The following EVC2 variants were observed in gnomAD, a reference collection of about 807,000 sequenced individuals.
EVC2 encodes limbin.
EVC2 carries 148 observed loss-of-function variants against 149.3 expected under a neutral mutation model. The ratio of observed to expected loss-of-function variants is 0.99; its 90% CI spans 0.87 to 1.14. The LOEUF is 1.14. EVC2 is among the 50% of genes most tolerant of loss of function. The pLI is 0.00. For missense variants in EVC2, 1,854 were observed against 1,627.3 expected, an observed-to-expected ratio of 1.14 and a Z score of -2.40; for synonymous variants, 776 against 649.9, an observed-to-expected ratio of 1.19 and a Z score of -2.95.
chr4:5,665,761 T>G (rs1161885517), intron 7 of EVC2, 112 bp from the exon 8 acceptor site: 17 of 1,500,828 alleles, frequency 1.1e-5, no homozygotes, highest in Admixed American at 3.9e-5. Flanking sequence ...GGGACTCGCT[T>G]GCATTTGAGT....
intron 19 of EVC2, among the ~76,000 whole-genome samples, chr4:5,571,329 A>AAG (rs1244998561): frequency 6.6e-6 from 1 of 150,952 alleles, no homozygotes; most frequent in Non-Finnish European, 1.5e-5. Flanking sequence ...AAAAAAAAAA[A>AAG]AAAAAAAAGA....
intron 8 of EVC2, 33 bp from the exon 9 acceptor site, chr4:5,663,279 G>A (rs1372003949): frequency 6.2e-7 from 1 of 1,613,106 alleles, no homozygotes; most frequent in Non-Finnish European, 8.5e-7. Flanking sequence ...ATAATTGATT[G>A]GGCCTTCTTG....
chr4:5,590,399 T>C (rs1174446965), intron 16 of EVC2, among the ~76,000 whole-genome samples: 1 of 152,130 alleles, frequency 6.6e-6, no homozygotes, highest in African/African-American at 2.4e-5. Context: ...CAGAAAAACC[T>C]TGGAAGTTGA....
At chr4:5,615,822 C>T (rs151306691) in intron 15 of EVC2, among the ~76,000 whole-genome samples, 334 of 152,298 alleles carry the variant, frequency 2.2e-3, no homozygotes, top group African/African-American at 7.6e-3. Flanking sequence ...AGAGCAGACC[C>T]AAGGCGTGTC....
At chr4:5,595,603 A>C (rs13142989) in intron 16 of EVC2, among the ~76,000 whole-genome samples, 1 of 152,206 alleles carries the variant, frequency 6.6e-6, no homozygotes, top group African/African-American at 2.4e-5. Context: ...GGTACCAGCC[A>C]CTGCAAAATC....
At chr4:5,536,523 A>G in the EVC2 span, among the ~76,000 whole-genome samples, 1,225 of 152,228 alleles carry the variant, frequency 8.0e-3, 12 homozygotes, top group African/African-American at 0.024. Context: ...GGTGGCTCAC[A>G]CCTGTAATCC....
intron 16 of EVC2, among the ~76,000 whole-genome samples, chr4:5,603,040 C>G (rs559700315): frequency 4.6e-5 from 7 of 151,886 alleles, no homozygotes; most frequent in Non-Finnish European, 1.0e-4. Flanking sequence ...AGAAGGCATG[C>G]GTATGTTTGA....
intron 15 of EVC2, among the ~76,000 whole-genome samples, chr4:5,617,753 AG>A (rs764019890): frequency 6.6e-6 from 1 of 152,156 alleles, no homozygotes; most frequent in Non-Finnish European, 1.5e-5. Context: ...AGAAGTTCGA[AG>A]GCCTTATCTT....
At chr4:5,705,024 G>A (rs77942790) in intron 1 of EVC2, among the ~76,000 whole-genome samples, 2,370 of 152,198 alleles carry the variant, frequency 0.016, 59 homozygotes, top group African/African-American at 0.054. Flanking sequence ...CCTTAACTCA[G>A]AATTCCAAGG....
chr4:5,626,236 CACAA>C (rs1307504695), intron 12 of EVC2, among the ~76,000 whole-genome samples: 8 of 151,854 alleles, frequency 5.3e-5, no homozygotes, highest in Admixed American at 1.3e-4. Flanking sequence ...TCAAGAACAG[CACAA>C]ACAAAGTCAA....
downstream of EVC2, among the ~76,000 whole-genome samples, chr4:5,560,234 A>G (rs988370138): frequency 6.6e-6 from 1 of 152,122 alleles, no homozygotes; most frequent in Admixed American, 6.6e-5. This position sits in a 1 kb window ranked among gnomAD's most constrained non-coding sequence, Gnocchi z 4.1. Flanking sequence ...GTGAAGATAC[A>G]GCCCTTCAAG....
In EVC2 at chr4:5,697,234, C is replaced by T. The variant is rs184915066; in HGVS notation, c.283+359G>A. On this transcript the variant is annotated intron_variant, in intron 2 of 21. Transcript: ENST00000344408. The stretch of plus-strand genomic sequence containing the variant: ...GATGTTGGACTTCTGCTTTCCAGTA[C>T]TGTAAGAGAATAAACGTGTGTGGTC... Among the ~76,000 whole-genome samples, 292 of 152,318 alleles carry T rather than the reference C, an allele frequency of 1.9e-3. 1 individual carries two copies. Among genetic ancestry groups the T allele is most frequent in the African/African-American group, 6.7e-3 (280 of 41,566 alleles).
At chr4:5,635,913 C>T (rs1000220054) in intron 10 of EVC2, among the ~76,000 whole-genome samples, 12 of 152,218 alleles carry the variant, frequency 7.9e-5, no homozygotes, top group African/African-American at 2.9e-4. Flanking sequence ...CACTTCCCCT[C>T]CGGGCTTCGG....
At chr4:5,649,031 C>A (rs1300745271) in intron 9 of EVC2, among the ~76,000 whole-genome samples, 1 of 152,126 alleles carries the variant, frequency 6.6e-6, no homozygotes, top group Non-Finnish European at 1.5e-5. Context: ...TTTAATTATT[C>A]AGACAACAAT....
At chr4:5,566,267 T>C (rs1038726836) in intron 20 of EVC2, among the ~76,000 whole-genome samples, 2 of 152,182 alleles carry the variant, frequency 1.3e-5, no homozygotes, top group African/African-American at 4.8e-5. Flanking sequence ...ATGTGCTAGA[T>C]TCATTCCCCC....
chr4:5,584,642 A>T lies in EVC2; in HGVS notation c.3038T>A (p.Ile1013Asn). The stretch of plus-strand genomic sequence containing the variant: ...ACTCACCCGGCTGTGCGACTCCAGG[A>T]TCTGTGTGCAGGCCGACTTGGTCAG... ...EMLTKSACTQ[I>N]LESHSRELQE... is the part of the protein sequence containing the mutation. The change falls in exon 17 of 22, where the codon ATC becomes AAC. Residue 1013 changes from isoleucine to asparagine, a missense_variant. Ile to Asn is a moderately radical substitution (Grantham distance 149). Coordinates refer to ENST00000344408, the MANE Select transcript of EVC2 (RefSeq NM_147127.5). The T allele has an allele frequency of 6.2e-7, 1 of 1,613,620 alleles. No homozygotes were observed. Among genetic ancestry groups the T allele is most frequent in the Non-Finnish European group, 8.5e-7 (1 of 1,179,834 alleles).
chr4:5,664,359 C>T (rs1431566705), intron 8 of EVC2, among the ~76,000 whole-genome samples: 1 of 152,150 alleles, frequency 6.6e-6, no homozygotes, highest in East Asian at 1.9e-4. Flanking sequence ...TCTGTGATGC[C>T]AGGAAAAAAG....
rs34681984 is a variant in EVC2, at chr4:5,568,232, A to ATT, written c.3557+210_3557+211dup. Among the ~76,000 whole-genome samples, 1,359 of 149,180 alleles carry ATT rather than the reference A, an allele frequency of 9.1e-3. 18 individuals are homozygous for ATT. Among genetic ancestry groups the ATT allele is most frequent in the African/African-American group, 0.032 (1,305 of 40,600 alleles). On this transcript the variant is annotated intron_variant, in intron 20 of 21. Coordinates refer to ENST00000344408, the MANE Select transcript of EVC2 (RefSeq NM_147127.5). The stretch of plus-strand genomic sequence containing the variant: ...CTTTCTCTTCTTCCTCTTTTTATGC[A>ATT]TTTTTTTTTTTACGTTTTCTTTAAT...
chr4:5,564,080 C>A (rs770413707), intron 21 of EVC2, among the ~76,000 whole-genome samples: 1 of 152,118 alleles, frequency 6.6e-6, no homozygotes, highest in Non-Finnish European at 1.5e-5. Flanking sequence ...TGGGGATGCA[C>A]CTGCTGCATG....
Sources: gnomAD v4.1 joint callset for allele counts (sites outside exome capture counted in the v4.1 genomes callset) on GRCh38, gnomAD v4.1.1 for gene constraint, Gnocchi (gnomAD v3.1) non-coding constraint, MANE v1.5 for transcripts, NCBI Gene and HGNC (gene_info 2026-07-23, HGNC 2026-07-21) for gene names.